Variants in PRKG1 observed in about 807,000 individuals in gnomAD.
The protein encoded by PRKG1 is protein kinase cGMP-dependent 1, also known as cGMP-dependent protein kinase 1.
In PRKG1, 35 loss-of-function variants were observed where a neutral mutation model predicts 88.1. The ratio of observed to expected loss-of-function variants is 0.40; its 90% CI spans 0.30 to 0.53. The LOEUF is 0.53. PRKG1 is among the 20% of genes least tolerant of loss of function. The pLI, the probability that PRKG1 is intolerant of heterozygous loss-of-function variation, is 0.59. For missense variants in PRKG1, 540 were observed against 839.8 expected (o/e 0.64, Z 4.41); for synonymous variants, 303 against 292.5 (o/e 1.04, Z -0.37).
chr10:51,130,974 A>T (rs541626058), intron 1 of PRKG1, among the ~76,000 whole-genome samples: 10 of 152,204 alleles, frequency 6.6e-5, no homozygotes, highest in Non-Finnish European at 1.5e-4. Flanking sequence ...ACAAACTGAC[A>T]TTCTACTCAA....
intron 7 of PRKG1, among the ~76,000 whole-genome samples, chr10:52,064,860 C>G (rs562951140): frequency 6.6e-6 from 1 of 152,182 alleles, no homozygotes; most frequent in African/African-American, 2.4e-5. Flanking sequence ...AGATGGCCTG[C>G]CACTGCCATC....
At chr10:51,853,117 A>G (rs947021875) in intron 4 of PRKG1, among the ~76,000 whole-genome samples, 2 of 152,164 alleles carry the variant, frequency 1.3e-5, no homozygotes, top group African/African-American at 4.8e-5. Context: ...CTTGTTTCAA[A>G]TCATACTGCC....
At chr10:51,152,638 A>T (rs990138444) in intron 1 of PRKG1, among the ~76,000 whole-genome samples, 4 of 152,034 alleles carry the variant, frequency 2.6e-5, no homozygotes, top group African/African-American at 9.7e-5. Flanking sequence ...ATTTAAAATG[A>T]TCCCTGCTTA....
chr10:52,206,697 A>G (rs2132790572), intron 9 of PRKG1, among the ~76,000 whole-genome samples: 1 of 152,294 alleles, frequency 6.6e-6, no homozygotes, highest in African/African-American at 2.4e-5. Flanking sequence ...GCTCAGCCCA[A>G]ACACTCCTGG....
chr10:52,212,083 G>A (rs149844430), intron 9 of PRKG1, among the ~76,000 whole-genome samples: 3 of 152,130 alleles, frequency 2.0e-5, no homozygotes, highest in South Asian at 2.1e-4. Context: ...CTTGCAAATC[G>A]GGCACCCCCC....
At chr10:51,111,559 G>C (rs1040094015) in intron 1 of PRKG1, among the ~76,000 whole-genome samples, 4 of 152,052 alleles carry the variant, frequency 2.6e-5, no homozygotes, top group Non-Finnish European at 2.9e-5. Flanking sequence ...TGATGCAAAG[G>C]GACTACCTAT....
At chr10:52,187,842 C>T (rs185325163) in intron 9 of PRKG1, among the ~76,000 whole-genome samples, 184 of 152,272 alleles carry the variant, frequency 1.2e-3, no homozygotes, top group African/African-American at 4.2e-3. Context: ...AAGGTATTGT[C>T]ATCTGTACAT....
intron 12 of PRKG1, among the ~76,000 whole-genome samples, chr10:52,274,534 T>TACACAC (rs3031885): frequency 6.7e-6 from 1 of 149,888 alleles, no homozygotes; most frequent in Non-Finnish European, 1.5e-5. Flanking sequence ...TATATATATA[T>TACACAC]ACACACACAC....
chr10:52,036,074 G>A (rs1031869996), intron 5 of PRKG1, among the ~76,000 whole-genome samples: 2 of 152,142 alleles, frequency 1.3e-5, no homozygotes, highest in Admixed American at 1.3e-4. Flanking sequence ...GCTGAGATAG[G>A]TAACAGATGA....
intron 3 of PRKG1, among the ~76,000 whole-genome samples, chr10:51,483,242 A>G (rs293316): frequency 0.6 from 91,443 of 151,786 alleles, 28,795 homozygotes; most frequent in East Asian, 0.85. Flanking sequence ...GGCTAGTCTC[A>G]AACTCCTGAC....
chr10:52,098,419 G>T (rs1285216585), intron 7 of PRKG1, among the ~76,000 whole-genome samples: 1 of 152,158 alleles, frequency 6.6e-6, no homozygotes, highest in African/African-American at 2.4e-5. Context: ...CCTGAATAGG[G>T]TTGCTTTTAC....
rs140919796 is a variant in PRKG1 at position 51,201,313 on chromosome 10, G to A, written c.478+47983G>A. ...CTACAAATACATAAGTTAGCCGGGC[G>A]TGGTGGCAGTTGCCTGTAATCCCAG... On this transcript the variant is annotated intron_variant, in intron 2 of 17. Coordinates refer to ENST00000373980, the MANE Select transcript of PRKG1 (RefSeq NM_006258.4). 8.1e-3 allele frequency among the ~76,000 whole-genome samples: 1,239 copies of A among 152,114 alleles called. 6 individuals are homozygous for A. Among genetic ancestry groups the A allele is most frequent in the Middle Eastern group, 0.024 (7 of 294 alleles).
At chr10:52,228,280 A>T (rs1480066568) in intron 9 of PRKG1, among the ~76,000 whole-genome samples, 10 of 142,224 alleles carry the variant, frequency 7.0e-5, no homozygotes, top group Admixed American at 4.2e-4. Context: ...AACAGGAAGT[A>T]AAAAGAAAAA....
At chr10:51,918,696 C>A (rs1002472770) in intron 5 of PRKG1, among the ~76,000 whole-genome samples, 3 of 152,094 alleles carry the variant, frequency 2.0e-5, no homozygotes, top group Non-Finnish European at 4.4e-5. Flanking sequence ...AAATTAGTAG[C>A]CTGCCTTCAG....
At chr10:51,375,662 A>T (rs1842801791) in intron 2 of PRKG1, among the ~76,000 whole-genome samples, 1 of 152,188 alleles carries the variant, frequency 6.6e-6, no homozygotes, top group Admixed American at 6.5e-5. Context: ...AACATTGAGT[A>T]ACAAGGACAA....
chr10:51,656,560 G>T (rs1049062784), intron 3 of PRKG1, among the ~76,000 whole-genome samples: 3 of 152,106 alleles, frequency 2.0e-5, no homozygotes, highest in Admixed American at 6.6e-5. Context: ...TCACCGCAAA[G>T]TATTTGTGTA....
chr10:52,125,999 A>G (rs905934115), intron 7 of PRKG1: 6 of 152,210 alleles, frequency 3.9e-5, no homozygotes, highest in African/African-American at 1.2e-4. Context: ...ATTCAAGTCC[A>G]CGGTGTGAGG....
chr10:51,742,794 T>A (rs888124305), intron 3 of PRKG1, among the ~76,000 whole-genome samples: 8 of 151,968 alleles, frequency 5.3e-5, no homozygotes, highest in African/African-American at 1.5e-4. Flanking sequence ...AATGAAGCCA[T>A]GAGTATGGTC....
intron 5 of PRKG1, among the ~76,000 whole-genome samples, chr10:52,008,202 A>G (rs1400529501): frequency 6.6e-6 from 1 of 152,168 alleles, no homozygotes; most frequent in African/African-American, 2.4e-5. Context: ...ACAACCTAAC[A>G]TTACTAGCAG....
Sources: allele counts gnomAD v4.1 joint callset (sites outside exome capture counted in the v4.1 genomes callset), GRCh38; gene constraint gnomAD v4.1.1; transcripts MANE v1.5; gene names NCBI Gene and HGNC (gene_info 2026-07-23, HGNC 2026-07-21).